CPED1: variants seen among roughly 807,000 people sequenced by gnomAD.
CPED1 encodes the protein cadherin-like and PC-esterase domain-containing protein 1.
CPED1 carries 114 observed loss-of-function variants against 128.2 expected under a neutral mutation model. The observed-to-expected ratio is 0.89, with a 90% confidence interval of 0.76 to 1.04. CPED1 has a LOEUF of 1.04. CPED1 is among the 50% of genes least tolerant of loss of function. The pLI, the probability that CPED1 is intolerant of heterozygous loss-of-function variation, is 0.00. For synonymous variants in CPED1, 462 were observed against 426.7 expected, an observed-to-expected ratio of 1.08 and a Z score of -1.02; for missense variants, 1,211 against 1,207.1, an observed-to-expected ratio of 1.00 and a Z score of -0.05.
chr7:121,137,024 C>T (rs369383653), intron 14 of CPED1, among the ~76,000 whole-genome samples: 68 of 151,376 alleles, frequency 4.5e-4, no homozygotes, highest in African/African-American at 1.2e-3. Context: ...TATATATATA[C>T]GTGTGTGTAT....
At chr7:121,013,480 G>C (rs935762747) in intron 2 of CPED1, among the ~76,000 whole-genome samples, 4 of 152,260 alleles carry the variant, frequency 2.6e-5, no homozygotes, top group African/African-American at 7.2e-5. Flanking sequence ...GCCAGGCAGA[G>C]CACAAACTCA....
intron 2 of CPED1, 34 bp downstream of exon 2, chr7:120,989,904 C>T (rs764059544): frequency 1.9e-6 from 3 of 1,610,768 alleles, no homozygotes; most frequent in Non-Finnish European, 2.5e-6. Flanking sequence ...GAGACAGTTT[C>T]TGCAAAGACA....
At chr7:121,047,706 CTTCTTCTTCTTTTT>C (rs1392151062) in intron 4 of CPED1, among the ~76,000 whole-genome samples, 2 of 50,132 alleles carry the variant, frequency 4.0e-5, no homozygotes, top group African/African-American at 1.6e-4. Flanking sequence ...TCTTCTTCTT[CTTCTTCTTCTTTTT>C]TTTTTTTTGA....
At chr7:121,184,280 A>AG (rs769474362) in intron 16 of CPED1, among the ~76,000 whole-genome samples, 17 of 152,176 alleles carry the variant, frequency 1.1e-4, no homozygotes, top group Non-Finnish European at 2.1e-4. Context: ...TCTAATAAAA[A>AG]GGGGAAAAGA....
At chr7:121,117,253 A>G (rs1196112714) in intron 7 of CPED1, among the ~76,000 whole-genome samples, 2 of 150,906 alleles carry the variant, frequency 1.3e-5, no homozygotes, top group African/African-American at 4.9e-5. Flanking sequence ...GATGAGTACC[A>G]CCATGCCGGG....
intron 18 of CPED1, among the ~76,000 whole-genome samples, chr7:121,263,626 G>A (rs972653399): frequency 1.3e-5 from 2 of 151,954 alleles, no homozygotes; most frequent in African/African-American, 4.8e-5. Flanking sequence ...ACATGCTTTG[G>A]TGGGCTGCCT....
chr7:121,014,549 C>A (rs1456555292), intron 2 of CPED1, among the ~76,000 whole-genome samples: 390 of 117,094 alleles, frequency 3.3e-3, no homozygotes, highest in Middle Eastern at 0.01. Flanking sequence ...GACTTTGTCT[C>A]AAAAAAAAAA....
chr7:121,273,697 T>C lies in CPED1; in HGVS notation c.2868+2267T>C, dbSNP rs371328514. Among the ~76,000 whole-genome samples, 7 of 152,232 alleles carry C rather than the reference T, an allele frequency of 4.6e-5. No homozygotes were observed. The East Asian group carries it at 5.8e-4, about 13-fold the overall frequency. On this transcript the variant is annotated intron_variant, in intron 22 of 22. Transcript: ENST00000310396. ...AAGCCTGCAGCCACAGTACAGAACA[T>C]GACATTTTAAATTTTGACCTAGCAG...
chr7:121,059,789 T>G (rs1280069653), intron 4 of CPED1, among the ~76,000 whole-genome samples: 2 of 152,242 alleles, frequency 1.3e-5, no homozygotes, highest in African/African-American at 4.8e-5. Context: ...CACACATTAG[T>G]GAGAGGTGAC....
chr7:121,009,707 A>T (rs1422718115), intron 2 of CPED1, among the ~76,000 whole-genome samples: 3 of 152,142 alleles, frequency 2.0e-5, no homozygotes, highest in Non-Finnish European at 4.4e-5. Flanking sequence ...ACTTCAGTGC[A>T]ATCAAAGAAT....
intron 22 of CPED1, among the ~76,000 whole-genome samples, chr7:121,281,915 C>T (rs1420293731): frequency 6.6e-6 from 1 of 152,138 alleles, no homozygotes. Flanking sequence ...TCTCTTCCTA[C>T]TTTAAAACGT....
At chr7:121,127,786 G>A (rs969332546) in intron 10 of CPED1, among the ~76,000 whole-genome samples, 5 of 151,700 alleles carry the variant, frequency 3.3e-5, no homozygotes, top group Admixed American at 6.6e-5. Context: ...CGCCTGCCTC[G>A]GCCTCCCAAA....
chr7:121,024,158 A>C (rs1330313580), intron 3 of CPED1, among the ~76,000 whole-genome samples: 1 of 152,112 alleles, frequency 6.6e-6, no homozygotes, highest in Non-Finnish European at 1.5e-5. Context: ...GACCAAACAG[A>C]ATTCGTTCTT....
chr7:121,215,093 C>A (rs1178942528), intron 16 of CPED1, among the ~76,000 whole-genome samples: 1 of 152,010 alleles, frequency 6.6e-6, no homozygotes, highest in Non-Finnish European at 1.5e-5. Flanking sequence ...GCCCTTTCTT[C>A]TACCCCTCTG....
intron 3 of CPED1, among the ~76,000 whole-genome samples, chr7:121,035,269 G>A (rs1792855910): frequency 6.6e-6 from 1 of 152,144 alleles, no homozygotes. Flanking sequence ...TGTATTTTAA[G>A]AGAATAACTC....
chr7:121,097,706 A>G lies in CPED1; in HGVS notation c.624A>G (p.Gln208=), dbSNP rs1202819004. ...TCTCTTGAATCTTTTCAGAACTGCA[A>G]CTTCCAGTGAGTCCCTCTGTGTGTC... ...CQIVRRFPEL[Q]LPVSPSVCLD... Residue 208 remains glutamine (Q), a synonymous_variant, in exon 6 of 23, where the codon CAA becomes CAG. Transcript: ENST00000310396. 1.9e-6 allele frequency: 3 copies of G among 1,613,486 alleles called. No homozygotes were observed. The Admixed American group carries it at 5.0e-5, about 27-fold the overall frequency.
intron 5 of CPED1, among the ~76,000 whole-genome samples, chr7:121,086,602 G>A (rs1187188709): frequency 6.6e-6 from 1 of 152,116 alleles, no homozygotes; most frequent in African/African-American, 2.4e-5. Flanking sequence ...TCCTGGGACT[G>A]GTAGATACTG....
intron 3 of CPED1, among the ~76,000 whole-genome samples, chr7:121,027,299 G>A (rs1792616417): frequency 6.6e-6 from 1 of 151,932 alleles, no homozygotes; most frequent in African/African-American, 2.4e-5. Context: ...TAATTTTTAT[G>A]TGTTCATCTT....
intron 2 of CPED1, among the ~76,000 whole-genome samples, chr7:120,997,244 A>G (rs1796421665): frequency 1.3e-5 from 2 of 152,264 alleles, no homozygotes; most frequent in South Asian, 4.1e-4. Flanking sequence ...GTAACTATTT[A>G]TAAATGAAGG....
Sources: gnomAD v4.1 joint callset for allele counts (sites outside exome capture counted in the v4.1 genomes callset) on GRCh38, gnomAD v4.1.1 for gene constraint, MANE v1.5 for transcripts, NCBI Gene and HGNC (gene_info 2026-07-23, HGNC 2026-07-21) for gene names.